NTNG1: variants seen among roughly 807,000 people sequenced by gnomAD.
NTNG1 encodes the protein netrin-G1.
Under a neutral mutation model 54.0 loss-of-function variants are expected in NTNG1, and 16 were observed. The ratio of observed to expected loss-of-function variants is 0.30; its 90% confidence interval spans 0.20 to 0.45. The LOEUF (loss-of-function observed/expected upper bound fraction) is 0.45. NTNG1 is among the 20% of genes least tolerant of loss of function. The pLI is 1.00. For synonymous variants in NTNG1, 255 were observed against 263.1 expected, an observed-to-expected ratio of 0.97 and a Z score of 0.30; for missense variants, 530 against 678.7, an observed-to-expected ratio of 0.78 and a Z score of 2.43.
At chr1:107,328,463 A>T (rs1668089011) in intron 3 of NTNG1, among the ~76,000 whole-genome samples, 1 of 152,176 alleles carries the variant, frequency 6.6e-6, no homozygotes, top group Non-Finnish European at 1.5e-5. Context: ...TCTAATGGCC[A>T]AAAAGGTCAT....
At chr1:107,275,457 C>G (rs1390907360) in intron 2 of NTNG1, among the ~76,000 whole-genome samples, 1 of 152,096 alleles carries the variant, frequency 6.6e-6, no homozygotes, top group African/African-American at 2.4e-5. Flanking sequence ...CAGAGGCTGA[C>G]AAGTCCCAAG....
At chr1:107,341,906 A>G (rs1668917714) in intron 3 of NTNG1, among the ~76,000 whole-genome samples, 1 of 152,082 alleles carries the variant, frequency 6.6e-6, no homozygotes, top group African/African-American at 2.4e-5. Flanking sequence ...AATCACATCC[A>G]GTTTAGAGGT....
At chr1:107,164,736 C>A (rs2101066452) in intron 2 of NTNG1, among the ~76,000 whole-genome samples, 1 of 152,308 alleles carries the variant, frequency 6.6e-6, no homozygotes, top group Non-Finnish European at 1.5e-5. Context: ...TTTGGTTTTG[C>A]ATCTACATTT....
chr1:107,159,508 A>C (rs921546684), intron 2 of NTNG1, among the ~76,000 whole-genome samples: 1 of 152,134 alleles, frequency 6.6e-6, no homozygotes, highest in African/African-American at 2.4e-5. Context: ...TATAATCCTC[A>C]GTCCTATCTT....
intron 2 of NTNG1, among the ~76,000 whole-genome samples, chr1:107,155,381 T>C (rs560513597): frequency 2.0e-4 from 31 of 152,156 alleles, no homozygotes; most frequent in Admixed American, 3.3e-4. Context: ...TAATTTCAGG[T>C]CATATCATTC....
chr1:107,337,573 G>T (rs1407220325), intron 3 of NTNG1, among the ~76,000 whole-genome samples: 1 of 151,948 alleles, frequency 6.6e-6, no homozygotes, highest in East Asian at 1.9e-4. Context: ...AATATTTAAT[G>T]CCACAAAACT....
intron 3 of NTNG1, among the ~76,000 whole-genome samples, chr1:107,353,198 T>C (rs1359321470): frequency 6.6e-6 from 1 of 152,226 alleles, no homozygotes. Flanking sequence ...CTGCAAAGTT[T>C]CCATACTTTT....
chr1:107,391,071 A>G (rs143313854), intron 3 of NTNG1, among the ~76,000 whole-genome samples: 28 of 152,316 alleles, frequency 1.8e-4, no homozygotes, highest in African/African-American at 6.3e-4. Context: ...AATTATCCTG[A>G]TCAAAGAGGT....
At chr1:107,436,824 C>T (rs746843132) in intron 7 of NTNG1, 25 bp downstream of exon 7, 7 of 1,610,458 alleles carry the variant, frequency 4.3e-6, no homozygotes, top group Non-Finnish European at 5.9e-6. Flanking sequence ...GAGCTGCCCT[C>T]TGCCTGCTGC....
At chr1:107,312,931 A>C (rs1667113345) in intron 2 of NTNG1, among the ~76,000 whole-genome samples, 1 of 152,086 alleles carries the variant, frequency 6.6e-6, no homozygotes, top group South Asian at 2.1e-4. Flanking sequence ...TGTCAACCTG[A>C]TGCTCATAGC....
At chr1:107,421,105 C>A in intron 5 of NTNG1, 1 of 1,609,768 alleles carries the variant, frequency 6.2e-7, no homozygotes, top group South Asian at 1.1e-5. Context: ...TTAGCTTTGT[C>A]AACAGTTTCT....
Position 107,483,641 on chromosome 1 carries a change from G to A in NTNG1, c.*2801G>A, listed in dbSNP as rs1456057271. On this transcript the variant is annotated 3_prime_UTR_variant, in exon 8 of 8. Transcript: ENST00000370068. ...TAAGAACAGGACTGGGGTGAAAAGC[G>A]GGTACTCAGTTGTTCATATATTTGA... 2.0e-5 allele frequency among the ~76,000 whole-genome samples: 3 copies of A among 152,096 alleles called. No homozygotes were observed. The highest frequency in any genetic ancestry group is 2.0e-4 in the Admixed American group (3 of 15,274).
chr1:107,459,060 C>G (rs190927802), intron 7 of NTNG1, among the ~76,000 whole-genome samples: 3 of 152,032 alleles, frequency 2.0e-5, no homozygotes, highest in Non-Finnish European at 2.9e-5. Flanking sequence ...TTATCTTTTA[C>G]CACTGAAAAA....
chr1:107,395,634 A>G (rs1418017623), intron 4 of NTNG1, among the ~76,000 whole-genome samples: 4 of 152,142 alleles, frequency 2.6e-5, no homozygotes, highest in Non-Finnish European at 5.9e-5. Flanking sequence ...TTAATTTCCT[A>G]TTAAAATATC....
At chr1:107,430,999 T>TCTG in intron 6 of NTNG1, 82 bp downstream of exon 6, 1 of 1,314,742 alleles carries the variant, frequency 7.6e-7, no homozygotes, top group Non-Finnish European at 1.1e-6. Context: ...GCTGGCGATT[T>TCTG]GCACCGCGGT....
intron 7 of NTNG1, among the ~76,000 whole-genome samples, chr1:107,467,073 C>T (rs981561708): frequency 2.0e-5 from 3 of 152,090 alleles, no homozygotes; most frequent in Non-Finnish European, 4.4e-5. Flanking sequence ...TTATGTTGCA[C>T]AGAATTACTT....
intron 2 of NTNG1, among the ~76,000 whole-genome samples, chr1:107,284,002 T>A (rs1017288905): frequency 3.3e-5 from 5 of 152,212 alleles, no homozygotes; most frequent in African/African-American, 4.8e-5. Flanking sequence ...TCTTACTTGA[T>A]AATCTCAGGC....
chr1:107,369,698 C>G (rs1670806098), intron 3 of NTNG1, among the ~76,000 whole-genome samples: 1 of 151,810 alleles, frequency 6.6e-6, no homozygotes, highest in Non-Finnish European at 1.5e-5. Flanking sequence ...TGTGGATCTC[C>G]CAATTTATCT....
chr1:107,298,420 A>G (rs1469206589), intron 2 of NTNG1, among the ~76,000 whole-genome samples: 4 of 152,130 alleles, frequency 2.6e-5, no homozygotes, highest in African/African-American at 7.2e-5. Flanking sequence ...GGGTGAGGAC[A>G]AGGAAATACT....
Sources: gnomAD v4.1 joint callset for allele counts (sites outside exome capture counted in the v4.1 genomes callset) on GRCh38, gnomAD v4.1.1 for gene constraint, MANE v1.5 for transcripts, NCBI Gene and HGNC (gene_info 2026-07-23, HGNC 2026-07-21) for gene names.